The following EML1 variants were observed in gnomAD, a reference collection of about 807,000 sequenced individuals.
The protein encoded by EML1 is EMAP like 1, also known as echinoderm microtubule-associated protein-like 1.
Under a neutral mutation model 110.4 loss-of-function variants are expected in EML1, and 27 were observed. The observed-to-expected ratio is 0.24, with a 90% CI of 0.18 to 0.34. The LOEUF (loss-of-function observed/expected upper bound fraction) is 0.34. Ranked by LOEUF, EML1 falls within the 10% of genes least tolerant of loss-of-function variation. The pLI is 1.00. For missense variants in EML1, 741 were observed against 1,030.9 expected (o/e 0.72, Z 3.85); for synonymous variants, 344 against 385.8 (o/e 0.89, Z 1.27).
chr14:99,749,315 G>C (rs923830290), intron 1 of EML1, among the ~76,000 whole-genome samples: 1 of 151,970 alleles, frequency 6.6e-6, no homozygotes, highest in Admixed American at 6.6e-5. Flanking sequence ...CATCTTCACC[G>C]GCACCTGTTA....
upstream of EML1, among the ~76,000 whole-genome samples, chr14:99,771,095 T>G (rs968144077): frequency 6.6e-6 from 1 of 152,196 alleles, no homozygotes; most frequent in South Asian, 2.1e-4. Flanking sequence ...CCCACTGATA[T>G]TATAATGATC....
intron 1 of EML1, among the ~76,000 whole-genome samples, chr14:99,778,071 C>T (rs1479913743): frequency 6.6e-6 from 1 of 152,202 alleles, no homozygotes; most frequent in Admixed American, 6.5e-5. Context: ...AGGCATGAGT[C>T]ACCAATTTGC....
chr14:99,786,061 CAAAAAAA>C (rs56240053), intron 1 of EML1, among the ~76,000 whole-genome samples: 56 of 120,358 alleles, frequency 4.7e-4, no homozygotes, highest in Middle Eastern at 4.2e-3. Context: ...CCTGGCTGCT[CAAAAAAA>C]AAAAAAAAAA....
rs561810304 is a variant in EML1, at chr14:99,940,539, G to A, written c.*427G>A. On this transcript the variant is annotated 3_prime_UTR_variant, in exon 22 of 22. Transcript: ENST00000262233. Reference sequence around the variant, plus strand: ...GGTACTGAACCACGATGGCTGTTGAGGAATTGGTCCTAAAAGGACAGATCA... The same window carrying A: ...GGTACTGAACCACGATGGCTGTTGAAGAATTGGTCCTAAAAGGACAGATCA... The A allele has an allele frequency of 6.1e-4, 94 of 153,220 alleles. No homozygotes were observed. The highest frequency in any genetic ancestry group is 1.1e-3 in the Non-Finnish European group (78 of 68,696). 9.5% of individuals were successfully genotyped at this position (153,220 alleles called of 1,614,324 possible). A position where few individuals can be genotyped will look rare whatever the true frequency, so the allele number is the denominator to read the frequency against.
At chr14:99,747,885 C>T (rs570997246) in intron 1 of EML1, among the ~76,000 whole-genome samples, 1 of 152,194 alleles carries the variant, frequency 6.6e-6, no homozygotes. Flanking sequence ...AAAGCCACCC[C>T]CTCCTGGACT....
intron 1 of EML1, among the ~76,000 whole-genome samples, chr14:99,754,929 T>C (rs2057230292): frequency 6.6e-6 from 1 of 152,070 alleles, no homozygotes; most frequent in Admixed American, 6.5e-5. Flanking sequence ...CCATGCAGCA[T>C]TACAGGAGGG....
rs188113389 is a variant in EML1, at chr14:99,779,195, T to C, written c.-27+5182T>C. On this transcript the variant is annotated intron_variant, in intron 1 of 22. Transcript: ENST00000327921. ...TGAACTTCCCAATATGATATCCCATTTTTTTCCTCCTATATTCTGTGTAGC... is the reference window on the plus strand; with the variant it reads ...TGAACTTCCCAATATGATATCCCATCTTTTTCCTCCTATATTCTGTGTAGC... Among the ~76,000 whole-genome samples the C allele has an allele frequency of 5.4e-3, 820 of 152,320 alleles. 5 individuals carry two copies. The highest frequency in any genetic ancestry group is 0.019 in the African/African-American group (787 of 41,570).
chr14:99,823,630 C>T (rs1438866225), intron 1 of EML1, among the ~76,000 whole-genome samples: 2 of 152,062 alleles, frequency 1.3e-5, no homozygotes, highest in Non-Finnish European at 2.9e-5. Context: ...GGGTGCCAAG[C>T]CCAGTTCTAG....
Position 99,900,966 on chromosome 14 carries a change from C to T in EML1, c.935C>T (p.Thr312Ile), listed in dbSNP as rs2059753436. 3 of 1,614,080 alleles carry T rather than the reference C, an allele frequency of 1.9e-6. No individual in the cohort carries two copies. In the Admixed American group the frequency reaches 5.0e-5, roughly 27 times the overall value. The change falls in exon 9 of 22, where the codon ACA becomes ATA. Residue 312 changes from threonine to isoleucine, a missense_variant. Coordinates refer to ENST00000262233, the MANE Select transcript of EML1 (RefSeq NM_004434.3). ...PPHVRIWDSV[T>I]LNTLHVIGIG... ...CATGTGCGCATCTGGGATTCTGTGA[C>T]ATTGAATACTCTCCACGTCATTGGA...
upstream of EML1, among the ~76,000 whole-genome samples, chr14:99,770,246 G>C (rs1022408130): frequency 1.3e-5 from 2 of 152,194 alleles, no homozygotes; most frequent in Non-Finnish European, 2.9e-5. Context: ...CAAGATCAAA[G>C]TGCTGGCAGA....
chr14:99,854,463 A>T (rs1426458303), intron 2 of EML1, among the ~76,000 whole-genome samples: 1 of 152,100 alleles, frequency 6.6e-6, no homozygotes, highest in Non-Finnish European at 1.5e-5. Flanking sequence ...GGGCCTGTGG[A>T]TAGGTATTCT....
rs114006167 is a variant in EML1 at position 99,835,666 on chromosome 14, A to G, written c.68-15187A>G. ...TTTGATATGCTGTGTTTTTATGTTC[A>G]TTCAGTTAGAAATACTTTCTAATTT... On this transcript the variant is annotated intron_variant, in intron 1 of 21. Coordinates refer to ENST00000262233, the MANE Select transcript of EML1 (RefSeq NM_004434.3). Among the ~76,000 whole-genome samples, 199 of 152,310 alleles carry G rather than the reference A, an allele frequency of 1.3e-3. 1 individual carries two copies. Among genetic ancestry groups the G allele is most frequent in the African/African-American group, 4.3e-3 (177 of 41,578 alleles).
rs765992374 is a variant in EML1 at position 99,851,054 on chromosome 14, C to T, written c.250+19C>T. 12 of 1,598,978 alleles carry T rather than the reference C, an allele frequency of 7.5e-6. No individual in the cohort carries two copies. The Admixed American group carries it at 2.0e-4, about 27-fold the overall frequency. ...ACCAAAGGTGGGCGTTTGAGTGACACAGGAACTTCAGTAGAATTGGTCTCG... is the reference window on the plus strand; with the variant it reads ...ACCAAAGGTGGGCGTTTGAGTGACATAGGAACTTCAGTAGAATTGGTCTCG... On this transcript the variant is annotated intron_variant, in intron 2 of 21. Transcript: ENST00000262233.
chr14:99,824,292 A>G (rs759591588), intron 1 of EML1, among the ~76,000 whole-genome samples: 5 of 152,314 alleles, frequency 3.3e-5, no homozygotes, highest in South Asian at 4.1e-4. Flanking sequence ...ATTCTCCTCT[A>G]TGTGCTAAGC....
At chr14:99,886,575 C>G (rs973506929) in intron 4 of EML1, among the ~76,000 whole-genome samples, 4 of 152,216 alleles carry the variant, frequency 2.6e-5, no homozygotes, top group South Asian at 2.1e-4. Context: ...ATGGACTCCT[C>G]CTCTATCAAG....
At chr14:99,846,271 C>T (rs2058706085) in intron 1 of EML1, among the ~76,000 whole-genome samples, 1 of 148,446 alleles carries the variant, frequency 6.7e-6, no homozygotes, top group African/African-American at 2.5e-5. Context: ...TCTTATTTTT[C>T]CAGCTGGTGA....
chr14:99,907,842 G>A (rs1037094468), intron 10 of EML1, 109 bp downstream of exon 10: 2 of 933,856 alleles, frequency 2.1e-6, no homozygotes, highest in East Asian at 2.5e-5. Flanking sequence ...CAGCCCTTGT[G>A]TATGACGCCT....
intron 17 of EML1, among the ~76,000 whole-genome samples, chr14:99,924,152 C>T (rs1415976519): frequency 6.6e-6 from 1 of 151,230 alleles, no homozygotes; most frequent in Non-Finnish European, 1.5e-5. Context: ...TCTTGCACTT[C>T]CTTTGTTAAA....
intron 1 of EML1, among the ~76,000 whole-genome samples, chr14:99,755,922 G>C (rs977459081): frequency 1.3e-5 from 2 of 152,174 alleles, no homozygotes; most frequent in Non-Finnish European, 2.9e-5. Flanking sequence ...TACTTCACAG[G>C]CGAGGAACCC....
Sources: allele counts gnomAD v4.1 joint callset (sites outside exome capture counted in the v4.1 genomes callset), GRCh38; gene constraint gnomAD v4.1.1; transcripts MANE v1.5; gene names NCBI Gene and HGNC (gene_info 2026-07-23, HGNC 2026-07-21).